The following TULP4 variants were observed in gnomAD, a reference collection of about 807,000 sequenced individuals.
TULP4 encodes the protein tubby-related protein 4.
In TULP4, 16 loss-of-function variants were observed where a neutral mutation model predicts 129.0. That is an observed-to-expected ratio of 0.12 (90% confidence interval 0.08 to 0.19). TULP4 has a LOEUF of 0.19. Ranked by LOEUF, TULP4 falls within the 10% of genes least tolerant of loss-of-function variation. The probability of loss-of-function intolerance (pLI) is 1.00; values close to 1 mark genes in which losing one functional copy is unlikely to be tolerated. For synonymous variants in TULP4, 998 were observed against 854.0 expected, an observed-to-expected ratio of 1.17 and a Z score of -2.94; for missense variants, 1,842 against 2,059.1, an observed-to-expected ratio of 0.89 and a Z score of 2.04.
rs150834680 is a variant in TULP4, at chr6:158,297,922, G to A, written n.117-14129G>A. Among the ~76,000 whole-genome samples the A allele has an allele frequency of 5.1e-4, 78 of 152,256 alleles. No homozygotes were observed. In the East Asian group the frequency reaches 0.014, roughly 28 times the overall value. On this transcript the variant is annotated intron_variant and non_coding_transcript_variant, in intron 1 of 1. Transcript: ENST00000432358. ...TGAGGGTACTGTAGGAGACCAGGGC[G>A]TATCTCAGTCCTTATCTCAACCGCA... is the stretch of plus-strand genomic sequence containing the variant.
intron 1 of TULP4, among the ~76,000 whole-genome samples, chr6:158,321,023 T>C (rs952128192): frequency 1.3e-5 from 2 of 152,182 alleles, no homozygotes; most frequent in Non-Finnish European, 2.9e-5. Context: ...CCTCTCATTG[T>C]TTAGAATATC....
At chr6:158,256,370 C>G (rs149376193) in intron 1 of TULP4, among the ~76,000 whole-genome samples, 9 of 152,256 alleles carry the variant, frequency 5.9e-5, no homozygotes, top group Admixed American at 5.2e-4. Context: ...CATGTACACA[C>G]ATATACCACA....
chr6:158,353,023 C>T (rs1780564002), intron 1 of TULP4, among the ~76,000 whole-genome samples: 1 of 152,190 alleles, frequency 6.6e-6, no homozygotes. Flanking sequence ...GTAGGCAAGC[C>T]TGCAGAGAGC....
intron 1 of TULP4, among the ~76,000 whole-genome samples, chr6:158,374,336 G>A (rs1777137742): frequency 1.3e-5 from 2 of 151,746 alleles, no homozygotes; most frequent in Admixed American, 6.6e-5. Flanking sequence ...ACATTTTCCA[G>A]GAATTGGTAG....
Position 158,449,090 on chromosome 6 carries a change from T to G in TULP4, c.638T>G (p.Leu213Arg), listed in dbSNP as rs757622758. ...HVLLHESDGV[L>R]GMSWNYPIFL... Reference sequence around the variant, plus strand: ...CTCTTGCACGAGTCAGACGGTGTCCTCGGCATGTCCTGGAACTACCCGATC... The same window carrying G: ...CTCTTGCACGAGTCAGACGGTGTCCGCGGCATGTCCTGGAACTACCCGATC... The change falls in exon 4 of 14, where the codon CTC becomes CGC. Residue 213 changes from leucine (L) to arginine (R), a missense_variant. Transcript: ENST00000367097. 6.2e-7 allele frequency: 1 copy of G among 1,614,086 alleles called. No homozygotes were observed. Among genetic ancestry groups the G allele is most frequent in the Non-Finnish European group, 8.5e-7 (1 of 1,179,998 alleles).
At chr6:158,357,307 C>CA (rs1321772619) in intron 1 of TULP4, among the ~76,000 whole-genome samples, 2 of 152,280 alleles carry the variant, frequency 1.3e-5, no homozygotes, top group East Asian at 3.9e-4. Flanking sequence ...ACTGGTGTTA[C>CA]CAGCAGGCCT....
intron 5 of TULP4, among the ~76,000 whole-genome samples, chr6:158,461,163 G>A (rs1779414579): frequency 6.6e-6 from 1 of 152,226 alleles, no homozygotes; most frequent in Admixed American, 6.5e-5. Context: ...TGTAATCCCA[G>A]CACTTTGGGA....
intron 1 of TULP4, among the ~76,000 whole-genome samples, chr6:158,241,698 G>A (rs1194901712): frequency 6.6e-6 from 1 of 152,152 alleles, no homozygotes; most frequent in Non-Finnish European, 1.5e-5. Flanking sequence ...TGGTTCAAGC[G>A]ATTCTTCTGC....
intron 1 of TULP4, among the ~76,000 whole-genome samples, chr6:158,363,019 G>A (rs565020937): frequency 1.4e-5 from 2 of 144,582 alleles, no homozygotes; most frequent in East Asian, 2.1e-4. Flanking sequence ...CCAAGATTGC[G>A]CGTCTGCACT....
chr6:158,271,435 A>ATTT (rs11353069), intron 1 of TULP4, among the ~76,000 whole-genome samples: 24 of 143,248 alleles, frequency 1.7e-4, no homozygotes, highest in Non-Finnish European at 3.4e-4. Flanking sequence ...CCATTTTAGA[A>ATTT]TTTTTTTTTT....
At chr6:158,494,529 A>T (rs1230553894) in intron 10 of TULP4, among the ~76,000 whole-genome samples, 1 of 151,784 alleles carries the variant, frequency 6.6e-6, no homozygotes, top group Non-Finnish European at 1.5e-5. Context: ...ACTGGGACAC[A>T]CCCCCACCTT....
At chr6:158,265,184 A>G (rs991881944) in intron 1 of TULP4, among the ~76,000 whole-genome samples, 1 of 152,196 alleles carries the variant, frequency 6.6e-6, no homozygotes, top group African/African-American at 2.4e-5. Flanking sequence ...CGGGGAGCTG[A>G]GCCCCATGCC....
At chr6:158,408,008 C>G (rs925034443) in intron 1 of TULP4, among the ~76,000 whole-genome samples, 2 of 152,146 alleles carry the variant, frequency 1.3e-5, no homozygotes, top group Non-Finnish European at 2.9e-5. Context: ...TTATCCAACC[C>G]CTTATCATTT....
In TULP4 at chr6:158,444,198, C is replaced by A. The variant is rs1455740231; in HGVS notation, c.544-4798C>A. The stretch of plus-strand genomic sequence containing the variant: ...TTGCACCACTGTACTCCAGCCTGGG[C>A]GACAGAGCAAGACTCTGTCTCAAAA... On this transcript the variant is annotated intron_variant, in intron 3 of 13. Coordinates refer to ENST00000367097, the MANE Select transcript of TULP4 (RefSeq NM_020245.5). Among the ~76,000 whole-genome samples, 3 of 107,040 alleles carry A rather than the reference C, an allele frequency of 2.8e-5. No individual in the cohort carries two copies. In the South Asian group the frequency reaches 9.8e-4, roughly 35 times the overall value. The allele number at this position is 107,040 out of a possible 152,430, so 70.2% of individuals were successfully genotyped here.
At chr6:158,297,843 A>G (rs1185718577) in intron 1 of TULP4, among the ~76,000 whole-genome samples, 3 of 152,170 alleles carry the variant, frequency 2.0e-5, no homozygotes, top group African/African-American at 4.8e-5. Context: ...AGAGCAGAGA[A>G]CTGGTCTGAC....
chr6:158,264,333 G>A (rs1223584084), intron 1 of TULP4, among the ~76,000 whole-genome samples: 2 of 152,122 alleles, frequency 1.3e-5, no homozygotes. Flanking sequence ...GATATTTCTG[G>A]GAATTAGTGC....
rs974612786 is a variant in TULP4, at chr6:158,480,126, C to G, written c.1251+151C>G. The G allele has an allele frequency of 1.4e-5, 9 of 634,804 alleles. No individual in the cohort carries two copies. In the African/African-American group the frequency reaches 1.5e-4, roughly 10 times the overall value. 39.3% of individuals were successfully genotyped at this position (634,804 alleles called of 1,614,324 possible). ...TGTCATGTGCTGCCAGGTCTGCAGTCTGTCGAAGCATCATGGTCCATGTCC... is the reference window on the plus strand; with the variant it reads ...TGTCATGTGCTGCCAGGTCTGCAGTGTGTCGAAGCATCATGGTCCATGTCC... On this transcript the variant is annotated intron_variant, in intron 7 of 13. Coordinates refer to ENST00000367097, the MANE Select transcript of TULP4 (RefSeq NM_020245.5).
At chr6:158,501,598 A>G in intron 12 of TULP4, 80 bp from the exon 13 acceptor site, 5 of 1,352,116 alleles carry the variant, frequency 3.7e-6, no homozygotes, top group Non-Finnish European at 5.1e-6. Flanking sequence ...AGACTGGATG[A>G]GTCCAGACGT....
At chr6:158,318,521 T>A (rs1296225886) in intron 1 of TULP4, among the ~76,000 whole-genome samples, 1 of 152,206 alleles carries the variant, frequency 6.6e-6, no homozygotes. Flanking sequence ...TATCATTATT[T>A]CCATTTTATA....
Sources: gnomAD v4.1 joint callset for allele counts (sites outside exome capture counted in the v4.1 genomes callset) on GRCh38, gnomAD v4.1.1 for gene constraint, MANE v1.5 for transcripts, NCBI Gene and HGNC (gene_info 2026-07-23, HGNC 2026-07-21) for gene names.